Variants in AUTS2 observed in about 807,000 individuals in gnomAD.
AUTS2 encodes activator of transcription and developmental regulator AUTS2, also known as autism susceptibility gene 2 protein.
Under a neutral mutation model 112.4 loss-of-function variants are expected in AUTS2, and 17 were observed. The observed-to-expected ratio is 0.15, with a 90% CI of 0.10 to 0.23. AUTS2 has a LOEUF of 0.23. Ranked by LOEUF, AUTS2 falls within the 10% of genes least tolerant of loss-of-function variation. The pLI is 1.00. For missense variants in AUTS2, 1,510 were observed against 1,701.6 expected (o/e 0.89, Z 1.98); for synonymous variants, 751 against 702.7 (o/e 1.07, Z -1.09).
chr7:70,274,806 T>G (rs538088903), intron 4 of AUTS2, among the ~76,000 whole-genome samples: 1 of 152,146 alleles, frequency 6.6e-6, no homozygotes, highest in South Asian at 2.1e-4. Flanking sequence ...AGATCAAAAA[T>G]GTATCCTTTT....
intron 5 of AUTS2, among the ~76,000 whole-genome samples, chr7:70,693,299 T>C (rs890987502): frequency 6.6e-6 from 1 of 152,188 alleles, no homozygotes; most frequent in Admixed American, 6.5e-5. Context: ...ACAGACACGA[T>C]ACATGTTAGG....
At chr7:70,532,644 G>C (rs931054122) in intron 5 of AUTS2, among the ~76,000 whole-genome samples, 1 of 152,136 alleles carries the variant, frequency 6.6e-6, no homozygotes, top group African/African-American at 2.4e-5. Flanking sequence ...TGTTCAGGGG[G>C]CACAGCAAAT....
chr7:69,899,272 C>G lies in AUTS2; in HGVS notation c.310-14C>G. ...GTAACCACCACTTCCCTTTCCTTCT[C>G]TTCTTTTCTACAGAAAGATGTAGCA... On this transcript the variant is annotated splice_polypyrimidine_tract_variant and intron_variant, in intron 1 of 18. Transcript: ENST00000342771. The G allele has an allele frequency of 6.2e-7, 1 of 1,604,348 alleles. No homozygotes were observed. Among genetic ancestry groups the G allele is most frequent in the Admixed American group, 1.7e-5 (1 of 59,910 alleles).
intron 5 of AUTS2, among the ~76,000 whole-genome samples, chr7:70,527,753 TG>T (rs1007788047): frequency 3.3e-5 from 5 of 152,140 alleles, no homozygotes; most frequent in Non-Finnish European, 7.3e-5. Context: ...TTGAATTCAC[TG>T]GGGGGGAAGT....
chr7:70,577,634 G>A (rs1365909946), intron 5 of AUTS2, among the ~76,000 whole-genome samples: 1 of 152,188 alleles, frequency 6.6e-6, no homozygotes, highest in Non-Finnish European at 1.5e-5. Context: ...AGGTTGATGA[G>A]CAGTTGATGT....
chr7:70,726,633 G>A (rs560202259), intron 6 of AUTS2, among the ~76,000 whole-genome samples: 20 of 152,302 alleles, frequency 1.3e-4, no homozygotes, highest in African/African-American at 4.6e-4. Flanking sequence ...CAGAATTTTT[G>A]AGAAGAGAAG....
intron 4 of AUTS2, among the ~76,000 whole-genome samples, chr7:70,431,386 TG>T (rs1275686738): frequency 4.6e-5 from 7 of 152,186 alleles, no homozygotes; most frequent in African/African-American, 1.4e-4. Flanking sequence ...CCAGTAAATA[TG>T]TTTTTTTTGT....
At chr7:70,025,040 C>G (rs576670154) in intron 2 of AUTS2, among the ~76,000 whole-genome samples, 3 of 152,274 alleles carry the variant, frequency 2.0e-5, no homozygotes, top group East Asian at 1.9e-4. Flanking sequence ...GTGTTTCTGT[C>G]TCTCATCTCA....
rs139487308 is a variant in AUTS2 at position 69,971,147 on chromosome 7, T to A, written c.522+71649T>A. 2.0e-5 allele frequency among the ~76,000 whole-genome samples: 3 copies of A among 152,254 alleles called. No individual in the cohort carries two copies. The East Asian group carries it at 5.8e-4, about 29-fold the overall frequency. On this transcript the variant is annotated intron_variant, in intron 2 of 18. Transcript: ENST00000342771. ...GGGCTATGATCCCACCACTGCACTT[T>A]AGCTTGGGCGACAGAGCAAGACCCT...
chr7:70,142,666 T>C (rs1263813449), intron 4 of AUTS2, among the ~76,000 whole-genome samples: 1 of 152,204 alleles, frequency 6.6e-6, no homozygotes, highest in Admixed American at 6.5e-5. Flanking sequence ...GCTTAGCCTG[T>C]TCCATAGCTA....
At chr7:70,528,497 A>G (rs911252604) in intron 5 of AUTS2, among the ~76,000 whole-genome samples, 4 of 152,308 alleles carry the variant, frequency 2.6e-5, no homozygotes, top group South Asian at 4.1e-4. Context: ...TGAAATTTGC[A>G]TTATAGAAAT....
chr7:70,673,423 G>A (rs545328240), intron 5 of AUTS2, among the ~76,000 whole-genome samples: 1 of 151,160 alleles, frequency 6.6e-6, no homozygotes, highest in Non-Finnish European at 1.5e-5. Flanking sequence ...CTGGAGTGCA[G>A]TGGCACCATC....
At position 70,280,444 on chromosome 7, in the gene AUTS2, C is replaced by T. The variant is rs572869937; in HGVS notation, c.660+145873C>T. Among the ~76,000 whole-genome samples, 22 of 146,740 alleles carry T rather than the reference C, an allele frequency of 1.5e-4. No homozygotes were observed. In the South Asian group the frequency reaches 2.6e-3, roughly 18 times the overall value. On this transcript the variant is annotated intron_variant, in intron 4 of 18. Coordinates refer to ENST00000342771, the MANE Select transcript of AUTS2 (RefSeq NM_015570.4). ...GATTATAGGTGCCCGCCACCATGCCCGGCTGATTTTTTTTTTTTTTTTTTT... is the reference window on the plus strand; with the variant it reads ...GATTATAGGTGCCCGCCACCATGCCTGGCTGATTTTTTTTTTTTTTTTTTT...
At chr7:70,087,151 A>G (rs940456311) in intron 2 of AUTS2, among the ~76,000 whole-genome samples, 4 of 151,924 alleles carry the variant, frequency 2.6e-5, no homozygotes, top group African/African-American at 4.8e-5. Flanking sequence ...TTTCTATTTC[A>G]CATTTGCTGA....
chr7:69,856,825 C>G (rs1421408202), intron 1 of AUTS2, among the ~76,000 whole-genome samples: 1 of 152,148 alleles, frequency 6.6e-6, no homozygotes, highest in East Asian at 1.9e-4. Flanking sequence ...CAGTGCTTTT[C>G]CTGGGATCTC....
At chr7:69,931,112 TACACACACACACACACACAC>T (rs58190258) in intron 2 of AUTS2, among the ~76,000 whole-genome samples, 5 of 148,998 alleles carry the variant, frequency 3.4e-5, no homozygotes, top group Middle Eastern at 3.4e-3. Context: ...ATTTTGGATT[TACACACACACACACACACAC>T]ACACACACAC....
chr7:69,940,591 A>C (rs1270430822), intron 2 of AUTS2, among the ~76,000 whole-genome samples: 1 of 152,166 alleles, frequency 6.6e-6, no homozygotes, highest in East Asian at 1.9e-4. Context: ...GGGTCATGGA[A>C]ATATAAAGGG....
At chr7:70,752,905 G>C (rs921337018) in intron 6 of AUTS2, among the ~76,000 whole-genome samples, 2 of 152,134 alleles carry the variant, frequency 1.3e-5, no homozygotes, top group African/African-American at 4.8e-5. Context: ...TCTTCATTCT[G>C]TAGGCCAAAG....
intron 2 of AUTS2, among the ~76,000 whole-genome samples, chr7:70,046,708 A>G (rs1801521879): frequency 1.3e-5 from 2 of 152,206 alleles, no homozygotes; most frequent in South Asian, 4.1e-4. Flanking sequence ...TACCTGATAT[A>G]AATTCAGTAG....
Sources: gnomAD v4.1 joint callset for allele counts (sites outside exome capture counted in the v4.1 genomes callset) on GRCh38, gnomAD v4.1.1 for gene constraint, MANE v1.5 for transcripts, NCBI Gene and HGNC (gene_info 2026-07-23, HGNC 2026-07-21) for gene names.